Variants in EPHA5 observed in about 807,000 individuals in gnomAD.
The protein encoded by EPHA5 is EPH receptor A5, also known as ephrin type-A receptor 5.
In EPHA5, 60 loss-of-function variants were observed where a neutral mutation model predicts 105.0. The ratio of observed to expected loss-of-function variants is 0.57; its 90% CI spans 0.46 to 0.71. EPHA5 has a LOEUF of 0.71. EPHA5 is among the 30% of genes least tolerant of loss of function. The pLI is 0.00. For synonymous variants in EPHA5, 513 were observed against 449.1 expected (o/e 1.14, Z -1.80); for missense variants, 1,218 against 1,274.7 (o/e 0.96, Z 0.68).
chr4:65,406,138 GT>G (rs1256292700), intron 7 of EPHA5, among the ~76,000 whole-genome samples: 1 of 152,108 alleles, frequency 6.6e-6, no homozygotes, highest in Non-Finnish European at 1.5e-5. Flanking sequence ...CTGGGAGAGG[GT>G]TTTGCTGCCT....
chr4:65,546,008 C>T (rs1185645294), intron 3 of EPHA5, among the ~76,000 whole-genome samples: 1 of 152,072 alleles, frequency 6.6e-6, no homozygotes, highest in African/African-American at 2.4e-5. Context: ...GTCTCCATCA[C>T]AACTACTCGA....
At chr4:65,576,984 A>G (rs1446528004) in intron 3 of EPHA5, among the ~76,000 whole-genome samples, 1 of 152,218 alleles carries the variant, frequency 6.6e-6, no homozygotes, top group Non-Finnish European at 1.5e-5. Flanking sequence ...TACACTCTAT[A>G]GAAATGGTAA....
At chr4:65,395,589 C>T (rs1347485323) in intron 8 of EPHA5, among the ~76,000 whole-genome samples, 1 of 152,116 alleles carries the variant, frequency 6.6e-6, no homozygotes, top group Non-Finnish European at 1.5e-5. Flanking sequence ...ATAGTATTGG[C>T]TGACTTCTAA....
chr4:65,498,337 C>T (rs1486397752), intron 3 of EPHA5, among the ~76,000 whole-genome samples: 3 of 151,904 alleles, frequency 2.0e-5, no homozygotes, highest in Non-Finnish European at 4.4e-5. Flanking sequence ...AAGTTCCCCT[C>T]ACCCCAGCTT....
intron 5 of EPHA5, among the ~76,000 whole-genome samples, chr4:65,482,304 A>C (rs1315837681): frequency 3.3e-5 from 5 of 151,954 alleles, no homozygotes; most frequent in Admixed American, 6.6e-5. Flanking sequence ...AAAAAAAAAA[A>C]AACAACCTGT....
intron 5 of EPHA5, among the ~76,000 whole-genome samples, chr4:65,449,143 T>TA (rs1451234365): frequency 2.0e-5 from 3 of 152,096 alleles, no homozygotes; most frequent in Admixed American, 1.3e-4. Flanking sequence ...ACATAAATTT[T>TA]AAAAAGGATT....
At chr4:65,657,867 G>A (rs532705375) in intron 1 of EPHA5, among the ~76,000 whole-genome samples, 2 of 142,262 alleles carry the variant, frequency 1.4e-5, no homozygotes, top group African/African-American at 5.3e-5. Context: ...AGACAGGCAA[G>A]CTTTCTTCAT....
At chr4:65,490,864 G>A (rs1268819363) in intron 4 of EPHA5, 152 bp from the exon 5 acceptor site, 1 of 830,686 alleles carries the variant, frequency 1.2e-6, no homozygotes, top group Non-Finnish European at 1.9e-6. Context: ...AATTTTGTAG[G>A]GACAATAGTG....
chr4:65,376,909 T>G (rs529370416), intron 8 of EPHA5: 1 of 1,204,108 alleles, frequency 8.3e-7, no homozygotes, highest in Non-Finnish European at 1.1e-6. Flanking sequence ...TCTACTCAAA[T>G]GTACACAAAT....
chr4:65,426,243 A>G (rs1724429464), intron 5 of EPHA5, among the ~76,000 whole-genome samples: 1 of 152,078 alleles, frequency 6.6e-6, no homozygotes, highest in African/African-American at 2.4e-5. Context: ...TTTCCCTTTC[A>G]TGGACATGAC....
intron 2 of EPHA5, among the ~76,000 whole-genome samples, chr4:65,624,849 T>C (rs1391219250): frequency 2.6e-5 from 4 of 152,202 alleles, no homozygotes; most frequent in East Asian, 3.9e-4. Flanking sequence ...TCAGATTTCT[T>C]ACCAATAAAG....
chr4:65,429,838 C>CA (rs913684351), intron 5 of EPHA5, among the ~76,000 whole-genome samples: 5 of 151,890 alleles, frequency 3.3e-5, no homozygotes, highest in Non-Finnish European at 4.4e-5. Flanking sequence ...CCAGTAGACA[C>CA]AAAAAAATAA....
At chr4:65,331,933 C>T (rs759416615) in intron 16 of EPHA5, 40 bp downstream of exon 16, 7 of 1,565,188 alleles carry the variant, frequency 4.5e-6, no homozygotes, top group Non-Finnish European at 6.1e-6. Flanking sequence ...ATTTTTCTTG[C>T]CCCAGCAATT....
chr4:65,387,587 C>T (rs1027576617), intron 8 of EPHA5, among the ~76,000 whole-genome samples: 1 of 151,806 alleles, frequency 6.6e-6, no homozygotes, highest in African/African-American at 2.4e-5. Context: ...AAAAGCCTTA[C>T]CCTGGCCCAC....
intron 3 of EPHA5, among the ~76,000 whole-genome samples, chr4:65,596,481 CA>C (rs1199547083): frequency 6.6e-6 from 1 of 151,166 alleles, no homozygotes; most frequent in Non-Finnish European, 1.5e-5. Flanking sequence ...ACAAACAAAC[CA>C]AAAAAACAAA....
chr4:65,331,827 A>C, intron 16 of EPHA5, 146 bp downstream of exon 16: 1 of 1,370,220 alleles, frequency 7.3e-7, no homozygotes, highest in African/African-American at 1.5e-5. Flanking sequence ...GTTGTTAACA[A>C]TACAGGCTAA....
intron 14 of EPHA5, among the ~76,000 whole-genome samples, chr4:65,345,314 G>A (rs1369915804): frequency 6.6e-6 from 1 of 152,210 alleles, no homozygotes; most frequent in Non-Finnish European, 1.5e-5. Context: ...TTGTCATCCG[G>A]TGTGCTTGCT....
At chr4:65,596,706 A>ACACC (rs752922195) in intron 3 of EPHA5, among the ~76,000 whole-genome samples, 7 of 151,314 alleles carry the variant, frequency 4.6e-5, no homozygotes, top group South Asian at 2.1e-4. Context: ...ACACACACAC[A>ACACC]CCAACACAAC....
chr4:65,392,880 G>T (rs1017362011), intron 8 of EPHA5, among the ~76,000 whole-genome samples: 2 of 152,084 alleles, frequency 1.3e-5, no homozygotes, highest in Non-Finnish European at 2.9e-5. Context: ...ATTAAGTTAT[G>T]TAGGAAAGCC....
Sources: gnomAD v4.1 joint callset for allele counts (sites outside exome capture counted in the v4.1 genomes callset) on GRCh38, gnomAD v4.1.1 for gene constraint, MANE v1.5 for transcripts, NCBI Gene and HGNC (gene_info 2026-07-23, HGNC 2026-07-21) for gene names.